KMT2C: variants seen among roughly 807,000 people sequenced by gnomAD.
The protein encoded by KMT2C is histone-lysine N-methyltransferase 2C.
In KMT2C, 88 loss-of-function variants were observed where a neutral mutation model predicts 507.9. The observed-to-expected ratio is 0.17, with a 90% CI of 0.15 to 0.21. The LOEUF is 0.21. KMT2C is among the 10% of genes least tolerant of loss of function. The pLI, the probability that KMT2C is intolerant of heterozygous loss-of-function variation, is 1.00. For missense variants in KMT2C, 4,954 were observed against 5,957.8 expected, an observed-to-expected ratio of 0.83 and a Z score of 5.55; for synonymous variants, 2,049 against 2,080.8, an observed-to-expected ratio of 0.98 and a Z score of 0.42.
intron 16 of KMT2C, among the ~76,000 whole-genome samples, chr7:152,231,023 G>A (rs2095091751): frequency 6.6e-6 from 1 of 152,056 alleles, no homozygotes; most frequent in Non-Finnish European, 1.5e-5. Context: ...CACCATATTG[G>A]TCAGGCTGGT....
rs1370862223 is a variant in KMT2C at position 152,163,482 on chromosome 7, T to G, written c.10095A>C (p.Pro3365=). 1.2e-6 allele frequency: 2 copies of G among 1,614,082 alleles called. No homozygotes were observed. The highest frequency in any genetic ancestry group is 1.7e-6 in the Non-Finnish European group (2 of 1,180,024). ...TTGCATTTGAGACTGTCCCTGGGGCTGGTGTACAAGTTTTTATTGGTAACT... is the reference window on the plus strand; with the variant it reads ...TTGCATTTGAGACTGTCCCTGGGGCGGGTGTACAAGTTTTTATTGGTAACT... ...IAQLPIKTCT[P]APGTVSNANP... The change falls in exon 43 of 59, where the codon CCA becomes CCC. Residue 3365 remains proline, a synonymous_variant. Transcript: ENST00000262189.
At chr7:152,281,539 C>G (rs1363564019) in intron 6 of KMT2C, among the ~76,000 whole-genome samples, 4 of 152,190 alleles carry the variant, frequency 2.6e-5, no homozygotes, top group Non-Finnish European at 5.9e-5. Flanking sequence ...TGAGACCATC[C>G]TGGCCAACAT....
intron 3 of KMT2C, among the ~76,000 whole-genome samples, chr7:152,323,585 G>C (rs976077915): frequency 1.3e-5 from 2 of 150,594 alleles, no homozygotes; most frequent in African/African-American, 4.9e-5. Flanking sequence ...ACTGCAGTGA[G>C]TTGTGAGCAT....
In KMT2C at chr7:152,159,992, G is replaced by A. The variant is rs114066619; in HGVS notation, c.11461-920C>T. Among the ~76,000 whole-genome samples the A allele has an allele frequency of 7.6e-3, 1,162 of 152,276 alleles. 13 individuals carry two copies. The highest frequency in any genetic ancestry group is 0.027 in the African/African-American group (1,120 of 41,536). On this transcript the variant is annotated intron_variant, in intron 43 of 58. Coordinates refer to ENST00000262189, the MANE Select transcript of KMT2C (RefSeq NM_170606.3). The stretch of plus-strand genomic sequence containing the variant: ...ATGATAAATATTGTAAGCCTCTGTA[G>A]GCCATACAGCCCCTGGCATAATTAC...
intron 1 of KMT2C, among the ~76,000 whole-genome samples, chr7:152,364,698 T>C (rs1564000407): frequency 6.6e-6 from 1 of 151,670 alleles, no homozygotes; most frequent in Non-Finnish European, 1.5e-5. Flanking sequence ...AGAAGATCAT[T>C]ATCCCTAAAG....
chr7:152,299,391 C>T (rs2096546115), intron 6 of KMT2C, among the ~76,000 whole-genome samples: 2 of 151,808 alleles, frequency 1.3e-5, no homozygotes, highest in South Asian at 4.2e-4. Flanking sequence ...CAATGGCTCA[C>T]ACCTGTAATC....
intron 23 of KMT2C, among the ~76,000 whole-genome samples, chr7:152,215,688 TACACAC>T (rs1554539523): frequency 5.9e-5 from 8 of 134,468 alleles, no homozygotes; most frequent in African/African-American, 2.0e-4. Flanking sequence ...TATATATATA[TACACAC>T]ACACATACAC....
intron 1 of KMT2C, among the ~76,000 whole-genome samples, chr7:152,369,188 T>C (rs2097272502): frequency 6.6e-6 from 1 of 152,060 alleles, no homozygotes; most frequent in African/African-American, 2.4e-5. Flanking sequence ...CCGGGCATGG[T>C]GGCACGTGCC....
At chr7:152,246,728 G>T (rs2095480164) in intron 14 of KMT2C, among the ~76,000 whole-genome samples, 1 of 152,028 alleles carries the variant, frequency 6.6e-6, no homozygotes, top group Admixed American at 6.6e-5. Context: ...CAACTGGTTT[G>T]AGAAGAAAAA....
At position 152,185,730 on chromosome 7, in the gene KMT2C, A is replaced by G; in HGVS notation, c.5009-99T>C. On this transcript the variant is annotated intron_variant, in intron 33 of 58. Coordinates refer to ENST00000262189, the MANE Select transcript of KMT2C (RefSeq NM_170606.3). ...GAACTGCTGACAGTTAATCTTATTC[A>G]GGCCGTATTCTCATGAGGTCATAGA... 4.4e-6 allele frequency: 4 copies of G among 900,526 alleles called. No homozygotes were observed. The Admixed American group carries it at 5.3e-5, about 12-fold the overall frequency. The allele number at this position is 900,526 out of a possible 1,614,324, so 55.8% of individuals were successfully genotyped here. A position where few individuals can be genotyped will look rare whatever the true frequency, so the allele number is the denominator to read the frequency against.
At chr7:152,224,739 A>C in intron 18 of KMT2C, 123 bp from the exon 19 acceptor site, 1 of 717,678 alleles carries the variant, frequency 1.4e-6, no homozygotes, top group Non-Finnish European at 2.3e-6. Flanking sequence ...ACTAACATTT[A>C]TTGAGCACCT....
intron 52 of KMT2C, 83 bp downstream of exon 52, chr7:152,147,950 A>C: frequency 7.1e-7 from 1 of 1,408,196 alleles, no homozygotes; most frequent in Non-Finnish European, 9.5e-7. Flanking sequence ...ACATGAGACA[A>C]ACATGGAAAA....
At chr7:152,290,880 T>C (rs2096415807) in intron 6 of KMT2C, among the ~76,000 whole-genome samples, 1 of 152,070 alleles carries the variant, frequency 6.6e-6, no homozygotes, top group South Asian at 2.1e-4. Flanking sequence ...AATATTATCC[T>C]ATATTATCTT....
intron 41 of KMT2C, 63 bp from the exon 42 acceptor site, chr7:152,167,441 CA>C: frequency 8.9e-7 from 1 of 1,121,626 alleles, no homozygotes; most frequent in Non-Finnish European, 1.3e-6. Flanking sequence ...ATAAGTTACA[CA>C]AATCTATTTT....
chr7:152,386,633 T>G (rs1396176217), intron 1 of KMT2C, among the ~76,000 whole-genome samples: 1 of 152,308 alleles, frequency 6.6e-6, no homozygotes, highest in African/African-American at 2.4e-5. Flanking sequence ...CACCCTCATT[T>G]GCCAGGTGGA....
At chr7:152,137,153 G>C in intron 58 of KMT2C, 1 of 481,754 alleles carries the variant, frequency 2.1e-6, no homozygotes, top group Non-Finnish European at 3.8e-6. Context: ...TCTGAGAACG[G>C]GAGCCTGACC....
At chr7:152,249,753 T>A in intron 13 of KMT2C, 123 bp downstream of exon 13, 2 of 218,176 alleles carry the variant, frequency 9.2e-6, no homozygotes, top group Admixed American at 5.7e-5. Context: ...TTTTCCAGAA[T>A]CTCTTAACTA....
At chr7:152,155,741 T>C (rs977292582) in intron 46 of KMT2C, among the ~76,000 whole-genome samples, 169 bp downstream of exon 46, 3 of 152,244 alleles carry the variant, frequency 2.0e-5, no homozygotes, top group African/African-American at 7.2e-5. Context: ...TAATTATGTT[T>C]AATGGTAACA....
At chr7:152,424,669 A>G (rs2097800111) in intron 1 of KMT2C, among the ~76,000 whole-genome samples, 1 of 152,282 alleles carries the variant, frequency 6.6e-6, no homozygotes, top group Middle Eastern at 3.4e-3. Context: ...AGTGTTCCAC[A>G]TGCCTTGGCC....
Sources: gnomAD v4.1 joint callset for allele counts (sites outside exome capture counted in the v4.1 genomes callset) on GRCh38, gnomAD v4.1.1 for gene constraint, MANE v1.5 for transcripts, NCBI Gene and HGNC (gene_info 2026-07-23, HGNC 2026-07-21) for gene names.